Variants in WDR41 observed in about 807,000 individuals in gnomAD.
WDR41 encodes the protein WD repeat domain 41, also known as WD repeat-containing protein 41.
In WDR41, 63 loss-of-function variants were observed where a neutral mutation model predicts 69.3. The observed-to-expected ratio is 0.91, with a 90% CI of 0.74 to 1.12. The LOEUF (loss-of-function observed/expected upper bound fraction) is 1.12. Among genes scored for constraint, WDR41 ranks in the 50% most tolerant of loss-of-function variants. The pLI, the probability that WDR41 is intolerant of heterozygous loss-of-function variation, is 0.00. For synonymous variants in WDR41, 185 were observed against 192.1 expected (o/e 0.96, Z 0.31); for missense variants, 543 against 534.5 (o/e 1.02, Z -0.16).
At chr5:77,584,133 A>G (rs1043726461) in intron 1 of WDR41, among the ~76,000 whole-genome samples, 2 of 152,144 alleles carry the variant, frequency 1.3e-5, no homozygotes, top group African/African-American at 4.8e-5. Context: ...GCCAACATCA[A>G]CCTCACTGGT....
chr5:77,515,075 T>G (rs557701206), intron 1 of WDR41, among the ~76,000 whole-genome samples: 1 of 152,270 alleles, frequency 6.6e-6, no homozygotes, highest in Non-Finnish European at 1.5e-5. Flanking sequence ...TTTTCTTTCT[T>G]CAATCATAAA....
At chr5:77,620,453 G>A (rs1744759634) in intron 1 of WDR41, 1 of 456,150 alleles carries the variant, frequency 2.2e-6, no homozygotes, top group Non-Finnish European at 4.4e-6. Flanking sequence ...GAAGAAAGCT[G>A]AAGTCCCAAC....
intron 1 of WDR41, among the ~76,000 whole-genome samples, chr5:77,611,164 G>T (rs1473217697): frequency 2.6e-5 from 4 of 151,596 alleles, no homozygotes; most frequent in African/African-American, 7.3e-5. Flanking sequence ...AGCAAGTCCT[G>T]AGTGACCTAC....
chr5:77,488,626 T>C (rs1801625947), intron 2 of WDR41, among the ~76,000 whole-genome samples: 1 of 151,082 alleles, frequency 6.6e-6, no homozygotes, highest in Non-Finnish European at 1.5e-5. Context: ...AGAAATGAGG[T>C]TGGGGGATTA....
chr5:77,607,441 T>C (rs901021291), intron 1 of WDR41, among the ~76,000 whole-genome samples: 1 of 152,040 alleles, frequency 6.6e-6, no homozygotes, highest in African/African-American at 2.4e-5. Context: ...AAGCAAGAGG[T>C]AGAACGAGTT....
rs551615274 is a variant in WDR41 at position 77,600,125 on chromosome 5, T to A, written c.42+20354A>T. Among the ~76,000 whole-genome samples, 3 of 152,260 alleles carry A rather than the reference T, an allele frequency of 2.0e-5. No homozygotes were observed. In the South Asian group the frequency reaches 6.2e-4, roughly 32 times the overall value. On this transcript the variant is annotated intron_variant, in intron 1 of 5. Transcript: ENST00000509971. ...TGTGCCAGAATGTACTACTAAACTT[T>A]CATAGGTCAAACATGGGTTTGACCA... is the stretch of plus-strand genomic sequence containing the variant.
intron 1 of WDR41, among the ~76,000 whole-genome samples, chr5:77,517,950 C>A (rs1467595524): frequency 6.6e-6 from 1 of 151,946 alleles, no homozygotes; most frequent in Non-Finnish European, 1.5e-5. Flanking sequence ...ACACAGAGGG[C>A]CTTTCTTTTT....
intron 1 of WDR41, among the ~76,000 whole-genome samples, chr5:77,586,866 G>C (rs1261962031): frequency 5.8e-5 from 8 of 139,066 alleles, no homozygotes; most frequent in African/African-American, 2.2e-4. Context: ...CTACAGGCAC[G>C]TGCCAGTACG....
intron 2 of WDR41, among the ~76,000 whole-genome samples, chr5:77,481,444 A>G (rs904238561): frequency 1.3e-5 from 2 of 152,060 alleles, no homozygotes; most frequent in Non-Finnish European, 2.9e-5. Flanking sequence ...GAAATAGTCT[A>G]CTTGACTCAG....
intron 2 of WDR41, among the ~76,000 whole-genome samples, chr5:77,465,967 T>A (rs1354867856): frequency 1.3e-5 from 2 of 152,014 alleles, no homozygotes; most frequent in East Asian, 3.9e-4. Flanking sequence ...CTTCACTGGC[T>A]CAGACAATTC....
At chr5:77,447,388 C>T (rs965795327) in intron 8 of WDR41, among the ~76,000 whole-genome samples, 1 of 152,106 alleles carries the variant, frequency 6.6e-6, no homozygotes, top group African/African-American at 2.4e-5. Context: ...CCAGAAATAC[C>T]ATTTGACCCA....
chr5:77,468,243 C>G (rs1036594546), intron 2 of WDR41, among the ~76,000 whole-genome samples: 2 of 152,078 alleles, frequency 1.3e-5, no homozygotes, highest in African/African-American at 4.8e-5. Flanking sequence ...TCAATACTTA[C>G]TAAGCACTAA....
At chr5:77,614,559 C>G (rs2112347009) in intron 1 of WDR41, among the ~76,000 whole-genome samples, 1 of 148,806 alleles carries the variant, frequency 6.7e-6, no homozygotes. Flanking sequence ...AAAAACCAAA[C>G]ACCGCATGTT....
At chr5:77,530,618 T>C (rs146646276) in intron 1 of WDR41, among the ~76,000 whole-genome samples, 1,640 of 151,870 alleles carry the variant, frequency 0.011, 32 homozygotes, top group African/African-American at 0.037. Flanking sequence ...GGAAAATTCA[T>C]GGAGGAATAT....
chr5:77,442,620 C>T (rs571734337), intron 8 of WDR41, among the ~76,000 whole-genome samples: 17 of 151,944 alleles, frequency 1.1e-4, no homozygotes, highest in South Asian at 2.1e-4. Context: ...AAGCCGGGTG[C>T]GGTGGCTCAC....
intron 12 of WDR41, among the ~76,000 whole-genome samples, chr5:77,434,273 T>C (rs971612829): frequency 1.3e-5 from 2 of 151,936 alleles, no homozygotes; most frequent in African/African-American, 4.8e-5. Context: ...ATTGCGCCAT[T>C]GTACTCCAAC....
rs761692347 is a variant in WDR41 at position 77,464,769 on chromosome 5, T to C, written c.208A>G (p.Asn70Asp). The C allele has an allele frequency of 6.2e-7, 1 of 1,613,880 alleles. No individual in the cohort carries two copies. Among genetic ancestry groups the C allele is most frequent in the East Asian group, 2.2e-5 (1 of 44,832 alleles). ...ACATAATCAATACACACCTGGGCAT[T>C]CCACACAACTACAATTCCATCATCA... ...AGDDGIVVVW[N>D]AQTGEKLLEL... Residue 70 changes from asparagine to aspartate, a missense_variant, in exon 3 of 13, where the codon AAT (asparagine) becomes GAT (aspartate). Physicochemically the swap from Asn to Asp is conservative, Grantham distance 23 (BLOSUM62 1). Coordinates refer to ENST00000296679, the MANE Select transcript of WDR41 (RefSeq NM_018268.4).
rs1028324844 is a variant in WDR41 at position 77,538,583 on chromosome 5, G to A, written c.43-49011C>T. Among the ~76,000 whole-genome samples, 234 of 152,182 alleles carry A rather than the reference G, an allele frequency of 1.5e-3. 3 individuals carry two copies. The highest frequency in any genetic ancestry group is 5.4e-3 in the African/African-American group (223 of 41,522). On this transcript the variant is annotated intron_variant, in intron 1 of 5. Transcript: ENST00000509971. ...TGGTTTTCTGTTCCTGCATTAATTCGCTTAGGATGATGGCCACCAGCTACA... is the reference window on the plus strand; with the variant it reads ...TGGTTTTCTGTTCCTGCATTAATTCACTTAGGATGATGGCCACCAGCTACA...
chr5:77,576,756 T>C (rs1743843051), intron 1 of WDR41, among the ~76,000 whole-genome samples: 1 of 152,122 alleles, frequency 6.6e-6, no homozygotes, highest in African/African-American at 2.4e-5. Context: ...ACATGGCAAA[T>C]CTGCACCAAC....
Sources: gnomAD v4.1 joint callset for allele counts (sites outside exome capture counted in the v4.1 genomes callset) on GRCh38, gnomAD v4.1.1 for gene constraint, MANE v1.5 for transcripts, NCBI Gene and HGNC (gene_info 2026-07-23, HGNC 2026-07-21) for gene names.